RBMS1: variants seen among roughly 807,000 people sequenced by gnomAD.
The protein encoded by RBMS1 is RNA-binding motif, single-stranded-interacting protein 1.
Under a neutral mutation model 62.3 loss-of-function variants are expected in RBMS1, and 17 were observed. The ratio of observed to expected loss-of-function variants is 0.27; its 90% confidence interval spans 0.19 to 0.41. The LOEUF (loss-of-function observed/expected upper bound fraction) is 0.41. Among genes scored for constraint, RBMS1 ranks in the 10% least tolerant of loss-of-function variants. RBMS1 has a pLI of 1.00. For missense variants in RBMS1, 334 were observed against 504.5 expected, an observed-to-expected ratio of 0.66 and a Z score of 3.24; for synonymous variants, 172 against 170.0, an observed-to-expected ratio of 1.01 and a Z score of -0.09.
chr2:160,400,168 T>C (rs1439277260), intron 1 of RBMS1, among the ~76,000 whole-genome samples: 1 of 152,170 alleles, frequency 6.6e-6, no homozygotes, highest in East Asian at 1.9e-4. Context: ...AATGCTGACA[T>C]TATCTGTACC....
chr2:160,286,221 G>A (rs1688381362), intron 7 of RBMS1, among the ~76,000 whole-genome samples: 1 of 148,174 alleles, frequency 6.7e-6, no homozygotes. Flanking sequence ...GACTGCTTGA[G>A]CACAGGAGTT....
At position 160,493,501 on chromosome 2, in the gene RBMS1, C is replaced by A; in HGVS notation, c.-138G>T. On this transcript the variant is annotated 5_prime_UTR_variant, in exon 1 of 14. Transcript: ENST00000348849. ...GGCTGCTGCTGCTGCCGCTGCTCCA[C>A]CTCCCAGCCGGGACCAGACGTCCTC... The A allele has an allele frequency of 1.4e-6, 1 of 716,346 alleles. No homozygotes were observed. The highest frequency in any genetic ancestry group is 2.4e-6 in the Non-Finnish European group (1 of 411,002). 44.4% of individuals were successfully genotyped at this position (716,346 alleles called of 1,614,324 possible). A position where few individuals can be genotyped will look rare whatever the true frequency, so the allele number is the denominator to read the frequency against.
intron 2 of RBMS1, among the ~76,000 whole-genome samples, chr2:160,354,365 A>G (rs1692679732): frequency 1.3e-5 from 2 of 152,110 alleles, no homozygotes; most frequent in South Asian, 4.1e-4. Context: ...AAATCTAAGA[A>G]ACAAAATATT....
At chr2:160,337,504 G>A (rs2105990543) in intron 2 of RBMS1, among the ~76,000 whole-genome samples, 1 of 152,234 alleles carries the variant, frequency 6.6e-6, no homozygotes, top group Non-Finnish European at 1.5e-5. Flanking sequence ...TTGTGGCACA[G>A]CAGAACATCC....
chr2:160,414,474 C>G (rs1696144805), intron 1 of RBMS1, among the ~76,000 whole-genome samples: 1 of 151,994 alleles, frequency 6.6e-6, no homozygotes, highest in Non-Finnish European at 1.5e-5. Flanking sequence ...GGGTGAGAGA[C>G]CATATTAGAT....
chr2:160,409,617 C>T (rs574135987), intron 1 of RBMS1, among the ~76,000 whole-genome samples: 2 of 152,262 alleles, frequency 1.3e-5, no homozygotes, highest in East Asian at 3.9e-4. Flanking sequence ...TGCTCAACAC[C>T]CCAGCAGCTC....
intron 1 of RBMS1, among the ~76,000 whole-genome samples, chr2:160,485,764 T>A (rs1211860258): frequency 2.6e-5 from 4 of 151,922 alleles, no homozygotes; most frequent in African/African-American, 9.7e-5. Flanking sequence ...AATGATCATA[T>A]GGAATGAAAC....
At chr2:160,369,717 G>T in intron 1 of RBMS1, among the ~76,000 whole-genome samples, 1 of 152,168 alleles carries the variant, frequency 6.6e-6, no homozygotes, top group East Asian at 1.9e-4. Flanking sequence ...CTACCTCTTA[G>T]TGGGATTACA....
intron 1 of RBMS1, among the ~76,000 whole-genome samples, chr2:160,417,338 TAAAG>T (rs921069938): frequency 3.9e-5 from 6 of 152,232 alleles, no homozygotes; most frequent in East Asian, 1.9e-4. Context: ...CTTAAGATCA[TAAAG>T]AGAGACTGTA....
In RBMS1 at chr2:160,380,039, C is replaced by G. The variant is rs1416348374; in HGVS notation, c.76-12648G>C. On this transcript the variant is annotated intron_variant, in intron 1 of 13. Coordinates refer to ENST00000348849, the MANE Select transcript of RBMS1 (RefSeq NM_016836.4). ...ATCTTTTTTCTTTGCTGTGCATGAT[C>G]AAACATGCAATCTTTCATTTTCCAT... Among the ~76,000 whole-genome samples the G allele has an allele frequency of 2.0e-5, 3 of 152,166 alleles. No homozygotes were observed. In the East Asian group the frequency reaches 5.8e-4, roughly 29 times the overall value.
chr2:160,450,552 A>AAT (rs1553528007), intron 1 of RBMS1, among the ~76,000 whole-genome samples: 32 of 100,040 alleles, frequency 3.2e-4, no homozygotes, highest in East Asian at 1.4e-3. Context: ...AAAAAAATAA[A>AAT]AAATAAAAAA....
At chr2:160,277,189 C>A in intron 12 of RBMS1, 114 bp downstream of exon 12, 1 of 979,890 alleles carries the variant, frequency 1.0e-6, no homozygotes, top group South Asian at 1.5e-5. Context: ...TCTGGCTAAA[C>A]GCAATTCTTT....
At chr2:160,330,668 C>CA (rs934732124) in intron 2 of RBMS1, among the ~76,000 whole-genome samples, 50 of 148,940 alleles carry the variant, frequency 3.4e-4, no homozygotes, top group African/African-American at 1.2e-3. Flanking sequence ...TTCAAGTTCC[C>CA]AGAATAACTA....
chr2:160,423,651 C>G (rs1696523907), intron 1 of RBMS1, among the ~76,000 whole-genome samples: 2 of 152,234 alleles, frequency 1.3e-5, no homozygotes, highest in East Asian at 3.9e-4. Context: ...GCTCTAGGTT[C>G]TTTTCCACGT....
intron 6 of RBMS1, among the ~76,000 whole-genome samples, chr2:160,299,213 C>T (rs1689089561): frequency 1.3e-5 from 2 of 152,150 alleles, no homozygotes; most frequent in African/African-American, 4.8e-5. Context: ...GAAGACTACA[C>T]TTTTAAATGT....
chr2:160,396,393 G>A (rs1695139608), intron 1 of RBMS1, among the ~76,000 whole-genome samples: 1 of 151,968 alleles, frequency 6.6e-6, no homozygotes, highest in Non-Finnish European at 1.5e-5. Context: ...TTCTTACTAG[G>A]TGCCAGACAG....
intron 2 of RBMS1, among the ~76,000 whole-genome samples, chr2:160,324,279 A>ACG (rs398071418): frequency 2.6e-5 from 4 of 152,114 alleles, no homozygotes; most frequent in Non-Finnish European, 5.9e-5. Context: ...ACACACACAC[A>ACG]ATTTTCCTGT....
chr2:160,465,475 G>A (rs1435638378), intron 1 of RBMS1, among the ~76,000 whole-genome samples: 3 of 152,084 alleles, frequency 2.0e-5, no homozygotes, highest in African/African-American at 7.2e-5. Flanking sequence ...GTCATCACAT[G>A]TCAGCCCTCA....
chr2:160,284,845 A>C lies in RBMS1; in HGVS notation c.830T>G (p.Ile277Ser). 6.2e-7 allele frequency: 1 copy of C among 1,608,196 alleles called. No individual in the cohort carries two copies. Among genetic ancestry groups the C allele is most frequent in the Non-Finnish European group, 8.5e-7 (1 of 1,174,796 alleles). Residue 277 changes from isoleucine (I) to serine (S), a missense_variant, in exon 9 of 14, where the codon ATT becomes AGT. Ile to Ser is a moderately radical substitution (Grantham distance 142). Transcript: ENST00000348849. ...QNGFYPSPYS[I>S]ATNRMITQTS... Reference sequence around the variant, plus strand: ...TTGAGTGATCATTCGGTTTGTAGCAATACTGTATGGTGAAGGATAAAATCT... The same window carrying C: ...TTGAGTGATCATTCGGTTTGTAGCACTACTGTATGGTGAAGGATAAAATCT...
Sources: allele counts gnomAD v4.1 joint callset (sites outside exome capture counted in the v4.1 genomes callset), GRCh38; gene constraint gnomAD v4.1.1; transcripts MANE v1.5; gene names NCBI Gene and HGNC (gene_info 2026-07-23, HGNC 2026-07-21).